Variants in HBP1 observed in about 807,000 individuals in gnomAD.
HBP1 encodes HMG box-containing protein 1.
Under a neutral mutation model 62.6 loss-of-function variants are expected in HBP1, and 20 were observed. That is an observed-to-expected ratio of 0.32 (90% CI 0.22 to 0.46). The LOEUF (loss-of-function observed/expected upper bound fraction) is 0.46. Among genes scored for constraint, HBP1 ranks in the 20% least tolerant of loss-of-function variants. The pLI, the probability that HBP1 is intolerant of heterozygous loss-of-function variation, is 1.00. For synonymous variants in HBP1, 232 were observed against 206.2 expected, an observed-to-expected ratio of 1.12 and a Z score of -1.07; for missense variants, 480 against 611.8, an observed-to-expected ratio of 0.78 and a Z score of 2.27.
chr7:107,189,495 C>T, intron 7 of HBP1, 47 bp downstream of exon 7: 1 of 1,413,604 alleles, frequency 7.1e-7, no homozygotes, highest in East Asian at 2.3e-5. Context: ...AACAAAGCTT[C>T]TTAAATCTGT....
intron 1 of HBP1, among the ~76,000 whole-genome samples, chr7:107,172,961 G>C (rs766899630): frequency 6.6e-6 from 1 of 152,134 alleles, no homozygotes; most frequent in African/African-American, 2.4e-5. Context: ...TAATTGTTCA[G>C]GGCCATGAAA....
At position 107,201,530 on chromosome 7, in the gene HBP1, G is replaced by C; in HGVS notation, c.*99G>C. 7.3e-6 allele frequency: 5 copies of C among 685,172 alleles called. No homozygotes were observed. The South Asian group carries it at 7.8e-5, about 11-fold the overall frequency. 42.4% of individuals were successfully genotyped at this position (685,172 alleles called of 1,614,324 possible). On this transcript the variant is annotated 3_prime_UTR_variant, in exon 11 of 11. Coordinates refer to ENST00000222574, the MANE Select transcript of HBP1 (RefSeq NM_012257.4). ...AGGTCTCACCATTTGTCCTCAATTC[G>C]TGTGACCATAAGATACTGATAGCAT...
chr7:107,169,740 C>G (rs1796460518), intron 1 of HBP1: 1 of 985,238 alleles, frequency 1.0e-6, no homozygotes. Flanking sequence ...AATGGGCTCC[C>G]AGGCGCCTGC....
At chr7:107,195,616 GT>G (rs1402673032) in intron 8 of HBP1, among the ~76,000 whole-genome samples, 1 of 151,902 alleles carries the variant, frequency 6.6e-6, no homozygotes, top group East Asian at 1.9e-4. Flanking sequence ...ATCTGCAGAG[GT>G]TTTTTAAAAA....
Position 107,179,996 on chromosome 7 carries a change from C to G in HBP1, c.103C>G (p.Leu35Val), listed in dbSNP as rs754971543. 3 of 1,610,046 alleles carry G rather than the reference C, an allele frequency of 1.9e-6. No homozygotes were observed. The highest frequency in any genetic ancestry group is 2.7e-5 in the African/African-American group (2 of 74,874). Reference sequence around the variant, plus strand: ...AGGAATGAATGACTCATTGGAGTTGCTGCAGTGTAATGAGAATTTGCCATC... The same window carrying G: ...AGGAATGAATGACTCATTGGAGTTGGTGCAGTGTAATGAGAATTTGCCATC... ...ASGMNDSLEL[L>V]QCNENLPSSP... is the part of the protein sequence containing the mutation. The change falls in exon 2 of 11, where the codon CTG becomes GTG. Residue 35 changes from leucine (L) to valine (V), a missense_variant. This residue lies in a region of HBP1 where 304 missense variants were observed against 330.9 expected (regional missense o/e 0.92). Transcript: ENST00000222574.
intron 9 of HBP1, 50 bp from the exon 10 acceptor site, chr7:107,200,110 A>G: frequency 2.1e-6 from 3 of 1,428,952 alleles, no homozygotes; most frequent in Non-Finnish European, 2.8e-6. Flanking sequence ...TTGACATGAG[A>G]TTTATGAAAA....
intron 1 of HBP1, among the ~76,000 whole-genome samples, chr7:107,170,953 G>GTA (rs1201695797): frequency 7.8e-6 from 1 of 128,742 alleles, no homozygotes. Flanking sequence ...ACATATACAT[G>GTA]TATATATATA....
chr7:107,201,713 G>T lies in HBP1; in HGVS notation c.*282G>T, dbSNP rs571520604. 3.4e-4 allele frequency: 118 copies of T among 349,564 alleles called. 1 individual carries two copies. The highest frequency in any genetic ancestry group is 2.4e-3 in the African/African-American group (112 of 47,624). The allele number at this position is 349,564 out of a possible 1,614,324, so 21.7% of individuals were successfully genotyped here. On this transcript the variant is annotated 3_prime_UTR_variant, in exon 11 of 11. Transcript: ENST00000222574. The stretch of plus-strand genomic sequence containing the variant: ...TAATAGGCTTGAAAATTGATATCCT[G>T]TGGTGCTAAAGTACAGTAGAAAGAG...
chr7:107,175,454 C>G (rs140659751), intron 1 of HBP1, among the ~76,000 whole-genome samples: 1 of 152,254 alleles, frequency 6.6e-6, no homozygotes, highest in African/African-American at 2.4e-5. Flanking sequence ...TAAACTCAGG[C>G]AGCCTGATTT....
At chr7:107,197,667 C>A (rs550385630) in intron 9 of HBP1, among the ~76,000 whole-genome samples, 10 of 152,284 alleles carry the variant, frequency 6.6e-5, no homozygotes, top group African/African-American at 2.4e-4. Context: ...ACGGGCCCAG[C>A]GCTAAGAGGC....
At chr7:107,200,767 A>G (rs1388569465) in intron 10 of HBP1, 19 of 152,932 alleles carry the variant, frequency 1.2e-4, no homozygotes, top group Admixed American at 1.2e-3. Context: ...CAGAATTTCT[A>G]GATTGAAAAA....
chr7:107,177,044 TGTATTTTCAGTA>T (rs1292782247), intron 1 of HBP1, among the ~76,000 whole-genome samples: 1 of 152,240 alleles, frequency 6.6e-6, no homozygotes, highest in African/African-American at 2.4e-5. Context: ...CTGTTAATTA[TGTATTTTCAGTA>T]GCTGTTCTAT....
In HBP1 at chr7:107,169,199, C is replaced by A. The variant is rs117057476; in HGVS notation, c.-16+14C>A. 97 of 725,482 alleles carry A rather than the reference C, an allele frequency of 1.3e-4. No individual in the cohort carries two copies. The East Asian group carries it at 0.012, about 86-fold the overall frequency. The allele number at this position is 725,482 out of a possible 1,614,324, so 44.9% of individuals were successfully genotyped here. A position where few individuals can be genotyped will look rare whatever the true frequency, so the allele number is the denominator to read the frequency against. ...ACTTCGCGGCAGGTTTGTTGTCTTT[C>A]AGTTAGGGAAGAGGTGGGGGTGGGG... On this transcript the variant is annotated intron_variant, in intron 1 of 10. Transcript: ENST00000222574.
At chr7:107,178,622 A>G (rs575782112) in intron 1 of HBP1, among the ~76,000 whole-genome samples, 1 of 152,214 alleles carries the variant, frequency 6.6e-6, no homozygotes, top group Non-Finnish European at 1.5e-5. Context: ...AATGACAGGT[A>G]TCTTTTATTA....
At chr7:107,171,872 A>AC (rs1796617084) in intron 1 of HBP1, among the ~76,000 whole-genome samples, 1 of 151,894 alleles carries the variant, frequency 6.6e-6, no homozygotes, top group Non-Finnish European at 1.5e-5. Context: ...AAAAAAAAAA[A>AC]AAAAAAGAGT....
rs1472530981 is a variant in HBP1 at position 107,186,416 on chromosome 7, A to G, written c.596A>G (p.Asp199Gly). ...TGCATGTCCTCCCTGTCAGATGATG[A>G]TGATTTGGGATGGTGCAATTCCTGG... is the stretch of plus-strand genomic sequence containing the variant. ...IFCMSSLSDD[D>G]DLGWCNSWPS... The change falls in exon 5 of 11, where the codon GAT becomes GGT. Residue 199 changes from aspartate (D) to glycine (G), a missense_variant. This residue lies in a region of HBP1 where 304 missense variants were observed against 330.9 expected (regional missense o/e 0.92). Transcript: ENST00000222574. 1.2e-6 allele frequency: 2 copies of G among 1,613,478 alleles called. No homozygotes were observed. Among genetic ancestry groups the G allele is most frequent in the Non-Finnish European group, 1.7e-6 (2 of 1,179,560 alleles).
At chr7:107,191,389 T>C (rs1797640618) in intron 8 of HBP1, among the ~76,000 whole-genome samples, 1 of 152,170 alleles carries the variant, frequency 6.6e-6, no homozygotes, top group African/African-American at 2.4e-5. Context: ...TAATGATAAC[T>C]CCTATGTTTT....
chr7:107,183,099 G>A (rs1398913766), intron 3 of HBP1, among the ~76,000 whole-genome samples: 1 of 152,140 alleles, frequency 6.6e-6, no homozygotes, highest in African/African-American at 2.4e-5. Flanking sequence ...AAAAATCACT[G>A]TTTCATATAT....
chr7:107,181,231 G>A (rs1381949750), intron 2 of HBP1, among the ~76,000 whole-genome samples: 2 of 152,068 alleles, frequency 1.3e-5, no homozygotes, highest in Admixed American at 1.3e-4. Flanking sequence ...GCTAGTAATC[G>A]CAGCACTTTG....
Sources: allele counts gnomAD v4.1 joint callset (sites outside exome capture counted in the v4.1 genomes callset), GRCh38; gene constraint gnomAD v4.1.1; regional missense constraint gnomAD v4.1.1; transcripts MANE v1.5; gene names NCBI Gene and HGNC (gene_info 2026-07-23, HGNC 2026-07-21).